Variants in PDCD11 observed in about 807,000 individuals in gnomAD.
The protein encoded by PDCD11 is programmed cell death 11, also known as protein RRP5 homolog.
A neutral mutation model predicts 198.9 loss-of-function variants in PDCD11; 97 were observed. The ratio of observed to expected loss-of-function variants is 0.49; its 90% CI spans 0.41 to 0.58. PDCD11 has a LOEUF of 0.58. Ranked by LOEUF, PDCD11 falls within the 20% of genes least tolerant of loss-of-function variation. The probability of loss-of-function intolerance (pLI) is 0.00; values close to 1 mark genes in which losing one functional copy is unlikely to be tolerated. For missense variants in PDCD11, 2,102 were observed against 2,312.7 expected (o/e 0.91, Z 1.87); for synonymous variants, 893 against 918.0 (o/e 0.97, Z 0.49).
At chr10:103,411,165 C>T (rs991247367) in intron 8 of PDCD11, among the ~76,000 whole-genome samples, 1 of 152,086 alleles carries the variant, frequency 6.6e-6, no homozygotes, top group Non-Finnish European at 1.5e-5. Flanking sequence ...AGTCCCCCAA[C>T]CTTGGCCTCC....
intron 8 of PDCD11, among the ~76,000 whole-genome samples, chr10:103,411,323 A>G (rs1351137228): frequency 6.6e-6 from 1 of 152,168 alleles, no homozygotes; most frequent in Admixed American, 6.6e-5. Flanking sequence ...ATGATTTCTT[A>G]CTTTTCTTTT....
chr10:103,442,149 A>G, intron 31 of PDCD11, 64 bp from the exon 32 acceptor site: 6 of 1,594,402 alleles, frequency 3.8e-6, no homozygotes, highest in Non-Finnish European at 5.1e-6. Context: ...CGTGACTTCC[A>G]CCACAGACCT....
chr10:103,408,997 G>A (rs2030631748), intron 7 of PDCD11, among the ~76,000 whole-genome samples: 1 of 152,188 alleles, frequency 6.6e-6, no homozygotes, highest in Non-Finnish European at 1.5e-5. Context: ...CTGGCTGCCC[G>A]AGAATGAGTA....
chr10:103,421,994 A>AG (rs1283161107), intron 17 of PDCD11, among the ~76,000 whole-genome samples: 70 of 144,534 alleles, frequency 4.8e-4, no homozygotes, highest in African/African-American at 1.6e-3. Context: ...AAAAAAAAAG[A>AG]AAAAAAAAAT....
rs781254688 is a variant in PDCD11 at position 103,434,325 on chromosome 10, G to C, written c.3642G>C (p.Lys1214Asn). ...RATVVGPDSS[K>N]TLLCLSLTGP... ...CCGTTGTTGGCCCAGATTCCTCCAA[G>C]ACCCTCTTATGTCTGTCCCTCACAG... Residue 1214 changes from lysine to asparagine, a missense_variant, in exon 24 of 36, where the codon AAG becomes AAC. By Grantham distance (94) the Lys-to-Asn change is moderately conservative (BLOSUM62 0). Transcript: ENST00000369797. 8 of 1,612,528 alleles carry C rather than the reference G, an allele frequency of 5.0e-6. No individual in the cohort carries two copies. The East Asian group carries it at 1.8e-4, about 36-fold the overall frequency.
chr10:103,398,569 T>C (rs758672869), intron 2 of PDCD11, 41 bp downstream of exon 2: 4 of 1,274,750 alleles, frequency 3.1e-6, no homozygotes, highest in Middle Eastern at 1.9e-4. Context: ...CTGGAAACTT[T>C]TACTGTAGTG....
chr10:103,433,363 C>T (rs1360742146), intron 22 of PDCD11, among the ~76,000 whole-genome samples: 3 of 151,962 alleles, frequency 2.0e-5, no homozygotes, highest in South Asian at 2.1e-4. Flanking sequence ...GGGCCTGGGG[C>T]GTGCGCGCCT....
At chr10:103,407,523 A>G (rs1190764326) in intron 7 of PDCD11, among the ~76,000 whole-genome samples, 1 of 151,986 alleles carries the variant, frequency 6.6e-6, no homozygotes, top group Non-Finnish European at 1.5e-5. Context: ...AGATTGTGCC[A>G]CTGCATTCCA....
At chr10:103,436,537 C>T (rs1198416608) in intron 25 of PDCD11, among the ~76,000 whole-genome samples, 2 of 152,154 alleles carry the variant, frequency 1.3e-5, no homozygotes, top group Admixed American at 6.5e-5. Flanking sequence ...CTCAGCTGTC[C>T]CAGCCACCAG....
At chr10:103,437,334 G>C (rs1399939474) in intron 25 of PDCD11, among the ~76,000 whole-genome samples, 3 of 152,198 alleles carry the variant, frequency 2.0e-5, no homozygotes, top group Middle Eastern at 3.4e-3. Flanking sequence ...TATAGAGACA[G>C]GGTCTCGCTT....
intron 21 of PDCD11, among the ~76,000 whole-genome samples, chr10:103,430,806 T>C (rs962008067): frequency 5.4e-5 from 8 of 148,334 alleles, no homozygotes; most frequent in Non-Finnish European, 9.0e-5. Flanking sequence ...TTTGCTCTCT[T>C]TTTTTTTTTT....
chr10:103,401,944 A>G (rs909084350), intron 3 of PDCD11, among the ~76,000 whole-genome samples: 3 of 152,002 alleles, frequency 2.0e-5, no homozygotes, highest in East Asian at 1.9e-4. Context: ...GGGCTTTACC[A>G]TGTTAGCCAG....
At chr10:103,421,709 A>G in intron 17 of PDCD11, 142 bp downstream of exon 17, 2 of 607,276 alleles carry the variant, frequency 3.3e-6, no homozygotes, top group Non-Finnish European at 5.8e-6. Flanking sequence ...TCACGCCTGT[A>G]ATCCCAGCAC....
At position 103,413,100 on chromosome 10, in the gene PDCD11, C is replaced by T. The variant is rs755404927; in HGVS notation, c.979-16C>T. On this transcript the variant is annotated splice_polypyrimidine_tract_variant and intron_variant, in intron 8 of 35. Coordinates refer to ENST00000369797, the MANE Select transcript of PDCD11 (RefSeq NM_014976.2). ...GTGTGCCTCCTCCTGCTCACCCTGCCCTTCCTTTTGTCTAGGTGAGGGCCT... is the reference window on the plus strand; with the variant it reads ...GTGTGCCTCCTCCTGCTCACCCTGCTCTTCCTTTTGTCTAGGTGAGGGCCT... 6.2e-6 allele frequency: 10 copies of T among 1,610,772 alleles called. No homozygotes were observed. The highest frequency in any genetic ancestry group is 2.2e-5 in the East Asian group (1 of 44,852).
chr10:103,418,405 C>T (rs757339881), intron 14 of PDCD11, 35 bp from the exon 15 acceptor site: 4 of 1,545,614 alleles, frequency 2.6e-6, no homozygotes, highest in Non-Finnish European at 3.6e-6. Flanking sequence ...CTGTTCATGA[C>T]AAGTGCTATT....
At position 103,439,790 on chromosome 10, in the gene PDCD11, C is replaced by G. The variant is rs1339436717; in HGVS notation, c.4070C>G (p.Ser1357Cys). 1.2e-6 allele frequency: 2 copies of G among 1,614,046 alleles called. No homozygotes were observed. Among genetic ancestry groups the G allele is most frequent in the Non-Finnish European group, 8.5e-7 (1 of 1,180,030 alleles). Reference sequence around the variant, plus strand: ...GGTTTGGCTCGGTACTCCCATGTCTCCCAGCACAGCCCGTCCAAGAAAGCC... The same window carrying G: ...GGTTTGGCTCGGTACTCCCATGTCTGCCAGCACAGCCCGTCCAAGAAAGCC... ...VVGLARYSHV[S>C]QHSPSKKALY... Residue 1357 changes from serine (S) to cysteine (C), a missense_variant, in exon 28 of 36, where the codon TCC becomes TGC. Coordinates refer to ENST00000369797, the MANE Select transcript of PDCD11 (RefSeq NM_014976.2).
intron 2 of PDCD11, among the ~76,000 whole-genome samples, 168 bp from the exon 3 acceptor site, chr10:103,400,229 T>TCC (rs997939493): frequency 5.6e-5 from 8 of 142,636 alleles, no homozygotes; most frequent in Non-Finnish European, 1.1e-4. Context: ...CCCCCCCCTT[T>TCC]TTTTTTTTTT....
chr10:103,406,482 T>A (rs2030455855), intron 6 of PDCD11, 127 bp from the exon 7 acceptor site: 2 of 762,832 alleles, frequency 2.6e-6, no homozygotes, highest in Non-Finnish European at 2.1e-6. Context: ...AGATTGGGAA[T>A]TTGGGGAGTA....
intron 27 of PDCD11, among the ~76,000 whole-genome samples, 190 bp downstream of exon 27, chr10:103,438,998 T>G (rs2032268099): frequency 6.6e-6 from 1 of 152,214 alleles, no homozygotes; most frequent in African/African-American, 2.4e-5. Context: ...TTATTAGTTA[T>G]TTGGTGTTTT....
Sources: allele counts gnomAD v4.1 joint callset (sites outside exome capture counted in the v4.1 genomes callset), GRCh38; gene constraint gnomAD v4.1.1; transcripts MANE v1.5; gene names NCBI Gene and HGNC (gene_info 2026-07-23, HGNC 2026-07-21).